Variants in PSME1 observed in about 807,000 individuals in gnomAD.
PSME1 encodes the protein proteasome activator complex subunit 1.
In PSME1, 15 loss-of-function variants were observed where a neutral mutation model predicts 38.4. The observed-to-expected ratio is 0.39, with a 90% CI of 0.26 to 0.60. PSME1 has a LOEUF of 0.60. Ranked by LOEUF, PSME1 falls within the 20% of genes least tolerant of loss-of-function variation. The pLI is 0.53. For missense variants in PSME1, 249 were observed against 305.6 expected, an observed-to-expected ratio of 0.81 and a Z score of 1.38; for synonymous variants, 106 against 106.8, an observed-to-expected ratio of 0.99 and a Z score of 0.05.
In PSME1 at chr14:24,136,213, C is replaced by A; in HGVS notation, c.-50C>A. On this transcript the variant is annotated 5_prime_UTR_variant, in exon 1 of 11. Transcript: ENST00000206451. This position sits in a 1 kb window ranked among gnomAD's most constrained non-coding sequence, Gnocchi z 4.8. ...CGCCCTACCGCTTTCGCTTTCCCTT[C>A]GCGGTGCCCACTCCACTCCTTGTGC... is the stretch of plus-strand genomic sequence containing the variant. 2.0e-6 allele frequency: 3 copies of A among 1,508,480 alleles called. No homozygotes were observed. The highest frequency in any genetic ancestry group is 2.2e-5 in the Admixed American group (1 of 45,966). The allele number at this position is 1,508,480 out of a possible 1,614,324, so 93.4% of individuals were successfully genotyped here.
rs1454850013 is a variant in PSME1 at position 24,138,868 on chromosome 14, T to G, written c.*52T>G. On this transcript the variant is annotated 3_prime_UTR_variant, in exon 11 of 11. Coordinates refer to ENST00000206451, the MANE Select transcript of PSME1 (RefSeq NM_006263.4). ...GTACAGCAGAGACCTTCCTGCTTTT[T>G]ACTGGGGACTCCAGATTTTCCCCAA... is the stretch of plus-strand genomic sequence containing the variant. 1 of 1,596,386 alleles carries G rather than the reference T, an allele frequency of 6.3e-7. No individual in the cohort carries two copies. The highest frequency in any genetic ancestry group is 1.1e-5 in the South Asian group (1 of 89,920).
Position 24,138,465 on chromosome 14 carries a change from T to C in PSME1, c.583-9T>C, listed in dbSNP as rs2037957352. ...ATGTAAGGTCAGGCCTGACCCGAGC[T>C]TCCCACAGGGTGATTATCGGCAGCT... On this transcript the variant is annotated splice_polypyrimidine_tract_variant and intron_variant, in intron 9 of 10. Coordinates refer to ENST00000206451, the MANE Select transcript of PSME1 (RefSeq NM_006263.4). 2 of 1,614,112 alleles carry C rather than the reference T, an allele frequency of 1.2e-6. No homozygotes were observed. The highest frequency in any genetic ancestry group is 4.5e-5 in the East Asian group (2 of 44,870).
Position 24,138,238 on chromosome 14 carries a change from G to C in PSME1, c.502G>C (p.Glu168Gln). The change falls in exon 8 of 11, where the codon GAA (glutamate) becomes CAA (glutamine). Residue 168 changes from glutamate to glutamine, a missense_variant. Physicochemically the swap from Glu to Gln is conservative, Grantham distance 29. Transcript: ENST00000206451. ...GATGACCAGCCTCCACACCAAGCTA[G>C]AAGGCTTCCACACTCAAATCTCTAA... is the stretch of plus-strand genomic sequence containing the variant. The part of the protein sequence containing the change: ...ELMTSLHTKL[E>Q]GFHTQISKYF... 1 of 1,614,164 alleles carries C rather than the reference G, an allele frequency of 6.2e-7. No individual in the cohort carries two copies. Among genetic ancestry groups the C allele is most frequent in the South Asian group, 1.1e-5 (1 of 91,082 alleles).
chr14:24,138,040 T>C lies in PSME1; in HGVS notation c.391-9T>C. ...GCTGATGTGGCATTATGCCATTCCC[T>C]CTTCCCAGGTCACCACCTGGTTGCA... On this transcript the variant is annotated splice_polypyrimidine_tract_variant and intron_variant, in intron 6 of 10. Coordinates refer to ENST00000206451, the MANE Select transcript of PSME1 (RefSeq NM_006263.4). 2 of 1,614,122 alleles carry C rather than the reference T, an allele frequency of 1.2e-6. No individual in the cohort carries two copies. Among genetic ancestry groups the C allele is most frequent in the Non-Finnish European group, 8.5e-7 (1 of 1,179,954 alleles).
Position 24,136,930 on chromosome 14 carries a change from C to A in PSME1, c.40-55C>A. 1 of 1,610,922 alleles carries A rather than the reference C, an allele frequency of 6.2e-7. No homozygotes were observed. Among genetic ancestry groups the A allele is most frequent in the South Asian group, 1.1e-5 (1 of 90,954 alleles). On this transcript the variant is annotated intron_variant, in intron 1 of 10. Transcript: ENST00000206451. This position sits in a 1 kb window ranked among gnomAD's most constrained non-coding sequence, Gnocchi z 4.8. ...CCTACATAACCCTAAGGGAACTGTC[C>A]TCAAATGAACTGGCCTTAAAGCCAA...
rs370998541 is a variant in PSME1, at chr14:24,138,409, GCCC to G, written c.582+11_582+13del. 6.3e-4 allele frequency: 1,013 copies of G among 1,614,180 alleles called. 12 individuals are homozygous for G. In the South Asian group the frequency reaches 0.01, roughly 17 times the overall value. ...CAAGCAGCCCCATGTGGTAGGTGAG[GCCC>G]AGGTCAGGGTGCATGGGGGAAGGAC... On this transcript the variant is annotated intron_variant, in intron 9 of 10. Transcript: ENST00000206451.
rs931300728 is a variant in PSME1 at position 24,136,441 on chromosome 14, CGG to C, written c.39+143_39+144del. ...TGGCGCGCCCGGAGCACCTGCGCCC[CGG>C]GGAGGGCGGCGACTGCTGCCTGCGG... On this transcript the variant is annotated intron_variant, in intron 1 of 10. Coordinates refer to ENST00000206451, the MANE Select transcript of PSME1 (RefSeq NM_006263.4). This position sits in a 1 kb window ranked among gnomAD's most constrained non-coding sequence, Gnocchi z 4.8. The C allele has an allele frequency of 1.7e-5, 14 of 817,370 alleles. No homozygotes were observed. The highest frequency in any genetic ancestry group is 8.3e-5 in the Admixed American group (2 of 24,084). The allele number at this position is 817,370 out of a possible 1,614,324, so 50.6% of individuals were successfully genotyped here.
At chr14:24,137,093 G>C in intron 2 of PSME1, 50 bp from the exon 3 acceptor site, 1 of 1,613,746 alleles carries the variant, frequency 6.2e-7, no homozygotes, top group Non-Finnish European at 8.5e-7. Flanking sequence ...TACCTAGGAC[G>C]GGCATTTGAT....
At position 24,137,723 on chromosome 14, in the gene PSME1, T is replaced by A; in HGVS notation, c.316T>A (p.Cys106Ser). ...DKGPPCGPVN[C>S]NEKIVVLLQR... The stretch of plus-strand genomic sequence containing the variant: ...AGGTCCTCCCTGTGGCCCAGTGAAC[T>A]GCAATGAAAAGATCGTGGTCCTTCT... The change falls in exon 6 of 11, where the codon TGC (cysteine) becomes AGC (serine). Residue 106 changes from cysteine (C) to serine (S), a missense_variant. Coordinates refer to ENST00000206451, the MANE Select transcript of PSME1 (RefSeq NM_006263.4). The A allele has an allele frequency of 6.2e-7, 1 of 1,614,198 alleles. No individual in the cohort carries two copies. Among genetic ancestry groups the A allele is most frequent in the Non-Finnish European group, 8.5e-7 (1 of 1,180,036 alleles).
Position 24,137,717 on chromosome 14 carries a change from G to A in PSME1, c.310G>A (p.Val104Met). The change falls in exon 6 of 11, where the codon GTG becomes ATG. Residue 104 changes from valine to methionine, a missense_variant. Physicochemically the swap from Val to Met is conservative, Grantham distance 21 (BLOSUM62 1). Transcript: ENST00000206451. ...CTCTCTAGGTCCTCCCTGTGGCCCA[G>A]TGAACTGCAATGAAAAGATCGTGGT... The part of the protein sequence containing the change: ...DEDKGPPCGP[V>M]NCNEKIVVLL... 2 of 1,614,210 alleles carry A rather than the reference G, an allele frequency of 1.2e-6. No homozygotes were observed. Among genetic ancestry groups the A allele is most frequent in the Non-Finnish European group, 1.7e-6 (2 of 1,180,018 alleles).
intron 8 of PSME1, 35 bp downstream of exon 8, chr14:24,138,298 T>C: frequency 6.2e-7 from 1 of 1,614,030 alleles, no homozygotes; most frequent in African/African-American, 1.3e-5. Flanking sequence ...TGTTTTTGTT[T>C]TGGGAGACCT....
At position 24,136,256 on chromosome 14, in the gene PSME1, C is replaced by T. The variant is rs1374502928; in HGVS notation, c.-7C>T. The T allele has an allele frequency of 2.0e-6, 3 of 1,526,046 alleles. No homozygotes were observed. The highest frequency in any genetic ancestry group is 2.6e-6 in the Non-Finnish European group (3 of 1,137,426). The allele number at this position is 1,526,046 out of a possible 1,614,324, so 94.5% of individuals were successfully genotyped here. ...CCTTGTGCGGCGCTAGGCCCCCCGT[C>T]CCGGTCATGGCCATGCTCAGGGTCC... On this transcript the variant is annotated 5_prime_UTR_variant, in exon 1 of 11. Coordinates refer to ENST00000206451, the MANE Select transcript of PSME1 (RefSeq NM_006263.4). The surrounding 1 kb of genome is among the most constrained non-coding windows in gnomAD (Gnocchi z 4.8).
In PSME1 at chr14:24,138,082, A is replaced by G. The variant is rs1387066617; in HGVS notation, c.424A>G (p.Ile142Val). ...CTGGTTGCAGCTGCAGATACCTCGG[A>G]TTGAGGATGGTAACAATTTTGGAGT... ...TTWLQLQIPR[I>V]EDGNNFGVAV... Residue 142 changes from isoleucine (I) to valine (V), a missense_variant, in exon 7 of 11, where the codon ATT (isoleucine) becomes GTT (valine). Transcript: ENST00000206451. 6.2e-7 allele frequency: 1 copy of G among 1,614,018 alleles called. No homozygotes were observed. Among genetic ancestry groups the G allele is most frequent in the Non-Finnish European group, 8.5e-7 (1 of 1,180,032 alleles).
At position 24,138,539 on chromosome 14, in the gene PSME1, C is replaced by G. The variant is rs1462996713; in HGVS notation, c.648C>G (p.Val216=). ...AGTACCGGGACATCCGGCTGATGGT[C>G]ATGGAGATCCGCAATGCTTATGTGA... ...EAEYRDIRLM[V]MEIRNAYAVL... is the part of the protein sequence containing the mutation. Residue 216 remains valine (V), a synonymous_variant, in exon 10 of 11, where the codon GTC becomes GTG. Transcript: ENST00000206451. 6.2e-7 allele frequency: 1 copy of G among 1,614,088 alleles called. No individual in the cohort carries two copies. The highest frequency in any genetic ancestry group is 8.5e-7 in the Non-Finnish European group (1 of 1,180,042).
chr14:24,136,319 T>C lies in PSME1; in HGVS notation c.39+18T>C, dbSNP rs923985669. On this transcript the variant is annotated intron_variant, in intron 1 of 10. Transcript: ENST00000206451. This position sits in a 1 kb window ranked among gnomAD's most constrained non-coding sequence, Gnocchi z 4.8. The stretch of plus-strand genomic sequence containing the variant: ...AAGCCAAGGTGAGCGCCGCGGGGTC[T>C]AGAAAGGGCCCACTGGGGAGGCGTG... 6.6e-7 allele frequency: 1 copy of C among 1,516,312 alleles called. No individual in the cohort carries two copies. The highest frequency in any genetic ancestry group is 8.8e-7 in the Non-Finnish European group (1 of 1,133,178). The allele number at this position is 1,516,312 out of a possible 1,614,324, so 93.9% of individuals were successfully genotyped here.
Position 24,136,932 on chromosome 14 carries a change from C to G in PSME1, c.40-53C>G. On this transcript the variant is annotated intron_variant, in intron 1 of 10. Transcript: ENST00000206451. The surrounding 1 kb of genome is among the most constrained non-coding windows in gnomAD (Gnocchi z 4.8). Reference sequence around the variant, plus strand: ...TACATAACCCTAAGGGAACTGTCCTCAAATGAACTGGCCTTAAAGCCAAGT... The same window carrying G: ...TACATAACCCTAAGGGAACTGTCCTGAAATGAACTGGCCTTAAAGCCAAGT... 3 of 1,611,656 alleles carry G rather than the reference C, an allele frequency of 1.9e-6. No individual in the cohort carries two copies. Among genetic ancestry groups the G allele is most frequent in the Non-Finnish European group, 2.5e-6 (3 of 1,178,536 alleles).
chr14:24,137,499 T>C lies in PSME1; in HGVS notation c.247-21T>C, dbSNP rs200365761. The C allele has an allele frequency of 1.4e-5, 23 of 1,613,808 alleles. No individual in the cohort carries two copies. In the East Asian group the frequency reaches 4.7e-4, roughly 33 times the overall value. ...TAATCAACCTTAGTCCTGACTCTCA[T>C]GAGCTCCTCTCTTTCTGCAGAAGGA... On this transcript the variant is annotated intron_variant, in intron 4 of 10. Coordinates refer to ENST00000206451, the MANE Select transcript of PSME1 (RefSeq NM_006263.4).
At chr14:24,137,605 A>G (rs767745731) in intron 5 of PSME1, 40 bp downstream of exon 5, 1 of 1,613,156 alleles carries the variant, frequency 6.2e-7, no homozygotes, top group Non-Finnish European at 8.5e-7. Flanking sequence ...CTTGAGTCCC[A>G]CTCACAGGAG....
rs1316190709 is a variant in PSME1, at chr14:24,136,898, G to C, written c.40-87G>C. ...AGGGATCCCCTCCACCCTTCCCCAG[G>C]TCAGGCCCTACATAACCCTAAGGGA... is the stretch of plus-strand genomic sequence containing the variant. On this transcript the variant is annotated intron_variant, in intron 1 of 10. Coordinates refer to ENST00000206451, the MANE Select transcript of PSME1 (RefSeq NM_006263.4). The surrounding 1 kb of genome is among the most constrained non-coding windows in gnomAD (Gnocchi z 4.8). 6.5e-7 allele frequency: 1 copy of C among 1,534,850 alleles called. No individual in the cohort carries two copies. Among genetic ancestry groups the C allele is most frequent in the African/African-American group, 1.4e-5 (1 of 73,204 alleles).
Sources: allele counts gnomAD v4.1 joint callset, GRCh38; gene constraint gnomAD v4.1.1; non-coding constraint Gnocchi (gnomAD v3.1); transcripts MANE v1.5; gene names NCBI Gene and HGNC (gene_info 2026-07-23, HGNC 2026-07-21).